RALGAPA1: variants seen among roughly 807,000 people sequenced by gnomAD.
The protein encoded by RALGAPA1 is ral GTPase-activating protein subunit alpha-1.
Under a neutral mutation model 269.6 loss-of-function variants are expected in RALGAPA1, and 52 were observed. The ratio of observed to expected loss-of-function variants is 0.19; its 90% CI spans 0.15 to 0.24. The LOEUF (loss-of-function observed/expected upper bound fraction) is 0.24, where lower values mean the gene tolerates loss of function less well. RALGAPA1 is among the 10% of genes least tolerant of loss of function. The pLI is 1.00. For synonymous variants in RALGAPA1, 817 were observed against 1,008.3 expected, an observed-to-expected ratio of 0.81 and a Z score of 3.60; for missense variants, 1,917 against 3,013.9, an observed-to-expected ratio of 0.64 and a Z score of 8.52.
chr14:35,628,240 A>T (rs1310798780), intron 33 of RALGAPA1, among the ~76,000 whole-genome samples: 2 of 152,178 alleles, frequency 1.3e-5, no homozygotes, highest in Non-Finnish European at 2.9e-5. Context: ...CAATCATGAA[A>T]TCACTAATGC....
chr14:35,708,511 C>T lies in RALGAPA1; in HGVS notation c.2267-8209G>A, dbSNP rs111630994. Among the ~76,000 whole-genome samples the T allele has an allele frequency of 4.6e-4, 70 of 152,262 alleles. 2 individuals are homozygous for T. The highest frequency in any genetic ancestry group is 1.5e-3 in the African/African-American group (61 of 41,560). ...AGGTATGCGAAAAGGTGCTCTACATCACTGATAATCAGAGAAATGCAAATC... is the reference window on the plus strand; with the variant it reads ...AGGTATGCGAAAAGGTGCTCTACATTACTGATAATCAGAGAAATGCAAATC... On this transcript the variant is annotated intron_variant, in intron 16 of 41. Transcript: ENST00000680220.
At chr14:35,560,167 T>C (rs763202754) in intron 39 of RALGAPA1, among the ~76,000 whole-genome samples, 3 of 152,162 alleles carry the variant, frequency 2.0e-5, no homozygotes, top group Non-Finnish European at 4.4e-5. Context: ...AAACACACAA[T>C]AGCAGAAGGA....
intron 4 of RALGAPA1, among the ~76,000 whole-genome samples, chr14:35,763,178 A>G (rs904477273): frequency 1.3e-5 from 2 of 149,688 alleles, no homozygotes; most frequent in Admixed American, 6.6e-5. Context: ...CTAAGTTTTG[A>G]AAAGTCATTA....
intron 35 of RALGAPA1, among the ~76,000 whole-genome samples, chr14:35,610,088 T>C (rs1236333308): frequency 6.6e-6 from 1 of 151,204 alleles, no homozygotes; most frequent in Non-Finnish European, 1.5e-5. Flanking sequence ...TTTAAGATGA[T>C]CAACAAAATT....
intron 4 of RALGAPA1, among the ~76,000 whole-genome samples, chr14:35,768,839 T>C (rs1415653559): frequency 6.6e-6 from 1 of 150,408 alleles, no homozygotes; most frequent in East Asian, 1.9e-4. Flanking sequence ...AGAAACCCCA[T>C]CTCTACTAAA....
At chr14:35,790,901 C>T (rs1221011941) in intron 1 of RALGAPA1, among the ~76,000 whole-genome samples, 2 of 152,058 alleles carry the variant, frequency 1.3e-5, no homozygotes, top group African/African-American at 2.4e-5. Context: ...TTAAGTATAT[C>T]AAATACAGTG....
chr14:35,700,785 T>C lies in RALGAPA1; in HGVS notation c.2267-483A>G, dbSNP rs146243183. 1.3e-3 allele frequency among the ~76,000 whole-genome samples: 201 copies of C among 152,314 alleles called. 1 individual carries two copies. The highest frequency in any genetic ancestry group is 0.011 in the Admixed American group (168 of 15,296). On this transcript the variant is annotated intron_variant, in intron 16 of 41. Transcript: ENST00000680220. Reference sequence around the variant, plus strand: ...TTTCATACTCTTTACCAAATAAAGTTTTCTAAATCACTCACAGGTCTTTCT... The same window carrying C: ...TTTCATACTCTTTACCAAATAAAGTCTTCTAAATCACTCACAGGTCTTTCT...
chr14:35,775,386 G>C (rs1345036479), intron 2 of RALGAPA1, among the ~76,000 whole-genome samples: 1 of 152,122 alleles, frequency 6.6e-6, no homozygotes, highest in African/African-American at 2.4e-5. Context: ...GGCACAATGA[G>C]GGAACAAATC....
intron 37 of RALGAPA1, among the ~76,000 whole-genome samples, chr14:35,576,126 G>C (rs1406387842): frequency 2.0e-5 from 3 of 151,968 alleles, no homozygotes; most frequent in Non-Finnish European, 4.4e-5. Context: ...TCATTATCTT[G>C]GGTTATTGTC....
chr14:35,651,953 C>T (rs969198526), intron 30 of RALGAPA1, 80 bp from the exon 31 acceptor site: 1 of 1,204,508 alleles, frequency 8.3e-7, no homozygotes, highest in Non-Finnish European at 1.2e-6. Context: ...TTGTTAAATG[C>T]TGAAGTGATA....
rs918819857 is a variant in RALGAPA1, at chr14:35,538,628, G to A, written c.*1086C>T. ...ATACCAACCTGGACCTGCAAGTTCA[G>A]TATTAACAATATTAGATTTAACTTA... is the stretch of plus-strand genomic sequence containing the variant. On this transcript the variant is annotated 3_prime_UTR_variant, in exon 42 of 42. Transcript: ENST00000680220. 1 of 152,476 alleles carries A rather than the reference G, an allele frequency of 6.6e-6. No individual in the cohort carries two copies. Among genetic ancestry groups the A allele is most frequent in the African/African-American group, 2.4e-5 (1 of 41,442 alleles). 9.4% of individuals were successfully genotyped at this position (152,476 alleles called of 1,614,324 possible). A position where few individuals can be genotyped will look rare whatever the true frequency, so the allele number is the denominator to read the frequency against.
chr14:35,593,106 T>C (rs1444917516), intron 37 of RALGAPA1, among the ~76,000 whole-genome samples: 1 of 152,144 alleles, frequency 6.6e-6, no homozygotes, highest in Non-Finnish European at 1.5e-5. Flanking sequence ...AGAAAGCCCC[T>C]GAGATTCCAC....
chr14:35,651,674 C>T, intron 31 of RALGAPA1, 131 bp downstream of exon 31: 1 of 683,522 alleles, frequency 1.5e-6, no homozygotes, highest in Non-Finnish European at 2.2e-6. Context: ...AACAGAAAGG[C>T]ATTTCACATT....
chr14:35,640,318 T>C (rs904484025), intron 31 of RALGAPA1, among the ~76,000 whole-genome samples: 8 of 151,954 alleles, frequency 5.3e-5, no homozygotes, highest in Admixed American at 2.6e-4. Context: ...AAAAATTGAT[T>C]TTTTAAAAAA....
At chr14:35,699,414 A>G (rs537689432) in intron 17 of RALGAPA1, among the ~76,000 whole-genome samples, 3 of 152,258 alleles carry the variant, frequency 2.0e-5, no homozygotes, top group Admixed American at 6.5e-5. Flanking sequence ...AGGGGTATGT[A>G]CAATTTTCAA....
intron 16 of RALGAPA1, among the ~76,000 whole-genome samples, chr14:35,704,703 A>C (rs2067654378): frequency 6.6e-6 from 1 of 152,154 alleles, no homozygotes; most frequent in South Asian, 2.1e-4. Flanking sequence ...GCATAAAGAA[A>C]GCTGTTTAAG....
intron 8 of RALGAPA1, 70 bp downstream of exon 8, chr14:35,751,954 G>A: frequency 6.6e-7 from 1 of 1,522,404 alleles, no homozygotes; most frequent in East Asian, 2.4e-5. Flanking sequence ...AGTAACAAAT[G>A]CCAACTTTAC....
At chr14:35,799,218 T>C (rs1371346184) in intron 1 of RALGAPA1, among the ~76,000 whole-genome samples, 3 of 152,120 alleles carry the variant, frequency 2.0e-5, no homozygotes, top group South Asian at 2.1e-4. Context: ...TTATACTACA[T>C]GGGAAGTGGT....
chr14:35,757,827 A>G (rs1410798074), intron 6 of RALGAPA1, among the ~76,000 whole-genome samples: 1 of 152,192 alleles, frequency 6.6e-6, no homozygotes, highest in Non-Finnish European at 1.5e-5. Flanking sequence ...AATAAATATC[A>G]ACCAACAAGC....
Sources: gnomAD v4.1 joint callset for allele counts (sites outside exome capture counted in the v4.1 genomes callset) on GRCh38, gnomAD v4.1.1 for gene constraint, MANE v1.5 for transcripts, NCBI Gene and HGNC (gene_info 2026-07-23, HGNC 2026-07-21) for gene names.